AVEN: variants seen among roughly 807,000 people sequenced by gnomAD.
AVEN encodes apoptosis and caspase activation inhibitor.
In AVEN, 41 loss-of-function variants were observed where a neutral mutation model predicts 38.1. That is an observed-to-expected ratio of 1.08 (90% CI 0.84 to 1.40). AVEN has a LOEUF of 1.40. Among genes scored for constraint, AVEN ranks in the 40% most tolerant of loss-of-function variants. AVEN has a pLI of 0.00. For synonymous variants in AVEN, 206 were observed against 171.8 expected (o/e 1.20, Z -1.56); for missense variants, 605 against 438.8 (o/e 1.38, Z -3.38).
At chr15:33,954,374 T>G (rs1439425540) in intron 2 of AVEN, among the ~76,000 whole-genome samples, 1 of 152,196 alleles carries the variant, frequency 6.6e-6, no homozygotes, top group East Asian at 1.9e-4. Context: ...GTGGCACTAT[T>G]CACAATAGCA....
chr15:34,068,080 G>A (rs773181639), intron 2 of AVEN, among the ~76,000 whole-genome samples: 2 of 152,038 alleles, frequency 1.3e-5, no homozygotes, highest in African/African-American at 2.4e-5. Flanking sequence ...CCCACATTCC[G>A]CACTTAACGT....
At chr15:34,053,610 A>G (rs1900025633) in intron 5 of AVEN, among the ~76,000 whole-genome samples, 1 of 152,094 alleles carries the variant, frequency 6.6e-6, no homozygotes, top group South Asian at 2.1e-4. Context: ...TGGTGCTGAG[A>G]GAACTGGCTA....
chr15:33,884,475 A>C (rs1891619335), intron 2 of AVEN, among the ~76,000 whole-genome samples: 2 of 152,294 alleles, frequency 1.3e-5, no homozygotes, highest in South Asian at 4.2e-4. Context: ...TGTCGTACCA[A>C]TTCCATCACT....
intron 2 of AVEN, among the ~76,000 whole-genome samples, chr15:33,939,471 A>G (rs1032591113): frequency 1.7e-4 from 26 of 152,216 alleles, no homozygotes; most frequent in African/African-American, 5.8e-4. Context: ...ACAATAAAAT[A>G]TATTTACAGA....
chr15:34,011,700 G>A (rs1481981681), intron 1 of AVEN, among the ~76,000 whole-genome samples: 5 of 152,000 alleles, frequency 3.3e-5, no homozygotes, highest in Admixed American at 1.3e-4. Context: ...TCATCTCACA[G>A]GCCTCTCATT....
chr15:34,013,518 C>T (rs1461093308), intron 1 of AVEN, among the ~76,000 whole-genome samples: 1 of 152,212 alleles, frequency 6.6e-6, no homozygotes, highest in African/African-American at 2.4e-5. Flanking sequence ...CCTTGCACCA[C>T]TAAATTGCCA....
intron 2 of AVEN, among the ~76,000 whole-genome samples, chr15:33,961,655 C>T (rs111701730): frequency 0.25 from 36,833 of 149,844 alleles, 4,702 homozygotes; most frequent in Non-Finnish European, 0.28. Context: ...CTACTAAAAA[C>T]ACAAAAAATT....
intron 1 of AVEN, among the ~76,000 whole-genome samples, chr15:34,026,243 C>T (rs1204555142): frequency 6.6e-6 from 1 of 151,974 alleles, no homozygotes; most frequent in Admixed American, 6.6e-5. Flanking sequence ...AAAGAATATA[C>T]ATCAAATGTT....
At chr15:34,066,782 TC>T (rs1213018302) in exon 3 of AVEN, 1 of 149,862 alleles carries the variant, frequency 6.7e-6, no homozygotes, top group Non-Finnish European at 1.5e-5. Flanking sequence ...ACTACTGCAT[TC>T]CAGTCTAAGT....
intron 2 of AVEN, among the ~76,000 whole-genome samples, chr15:33,967,131 T>C (rs1411871481): frequency 6.6e-6 from 1 of 152,138 alleles, no homozygotes; most frequent in Non-Finnish European, 1.5e-5. Flanking sequence ...AAGAAAATAT[T>C]CTAAAGATAT....
chr15:33,870,649 C>T (rs747714376), intron 4 of AVEN, among the ~76,000 whole-genome samples: 4 of 152,120 alleles, frequency 2.6e-5, no homozygotes, highest in Admixed American at 2.0e-4. Flanking sequence ...GAACATAGAG[C>T]GTGATGCGTA....
chr15:34,055,299 A>C (rs1900094921), intron 5 of AVEN, among the ~76,000 whole-genome samples: 1 of 151,868 alleles, frequency 6.6e-6, no homozygotes, highest in African/African-American at 2.4e-5. Context: ...GGAGTTTGAG[A>C]CCAGCCTGGC....
intron 3 of AVEN, among the ~76,000 whole-genome samples, chr15:33,873,236 A>G (rs1429724532): frequency 2.0e-5 from 3 of 149,058 alleles, no homozygotes; most frequent in African/African-American, 7.4e-5. Flanking sequence ...AGCAGCTGGG[A>G]TTACAGACGT....
intron 2 of AVEN, among the ~76,000 whole-genome samples, chr15:33,903,587 A>G (rs1829267196): frequency 6.6e-6 from 1 of 152,218 alleles, no homozygotes. Context: ...CATTAACTAC[A>G]AGTTTCCTCA....
intron 2 of AVEN, among the ~76,000 whole-genome samples, chr15:33,935,063 T>C (rs138601511): frequency 1.3e-5 from 2 of 152,224 alleles, no homozygotes; most frequent in Non-Finnish European, 2.9e-5. Context: ...TTTCCCGGGG[T>C]GGAACGATCC....
In AVEN at chr15:33,991,011, T is replaced by C. The variant is rs569854187; in HGVS notation, c.445+12021A>G. On this transcript the variant is annotated intron_variant, in intron 2 of 5. Transcript: ENST00000306730. Reference sequence around the variant, plus strand: ...AAATGTCCCTCTGGCAACTGATGAGTAGAAAAAAATGATGTAAAACCAGAT... The same window carrying C: ...AAATGTCCCTCTGGCAACTGATGAGCAGAAAAAAATGATGTAAAACCAGAT... The C allele has an allele frequency of 1.8e-4, 28 of 152,170 alleles. No individual in the cohort carries two copies. The South Asian group carries it at 5.8e-3, about 32-fold the overall frequency. 9.4% of individuals were successfully genotyped at this position (152,170 alleles called of 1,614,324 possible). A position where few individuals can be genotyped will look rare whatever the true frequency, so the allele number is the denominator to read the frequency against.
chr15:33,853,732 C>A, the AVEN span: 30 of 1,577,118 alleles, frequency 1.9e-5, no homozygotes, highest in Admixed American at 5.1e-4. Context: ...ATAGATAGAT[C>A]TTTGCTTTTC....
intron 1 of AVEN, among the ~76,000 whole-genome samples, chr15:34,021,163 T>C (rs1898182639): frequency 6.6e-6 from 1 of 152,182 alleles, no homozygotes; most frequent in Admixed American, 6.5e-5. Flanking sequence ...TGGGTGAATT[T>C]TTCTATGAAA....
chr15:34,006,310 C>CAA (rs796228574), intron 1 of AVEN, among the ~76,000 whole-genome samples: 122 of 121,332 alleles, frequency 1.0e-3, no homozygotes, highest in East Asian at 1.8e-3. Context: ...GACTCCGTCT[C>CAA]AAAAAAAAAA....
Sources: allele counts gnomAD v4.1 joint callset (sites outside exome capture counted in the v4.1 genomes callset), GRCh38; gene constraint gnomAD v4.1.1; transcripts MANE v1.5; gene names NCBI Gene and HGNC (gene_info 2026-07-23, HGNC 2026-07-21).